The following TBC1D22A variants were observed in gnomAD, a reference collection of about 807,000 sequenced individuals.
TBC1D22A encodes putative GTPase activator.
A neutral mutation model predicts 60.2 loss-of-function variants in TBC1D22A; 38 were observed. The observed-to-expected ratio is 0.63, with a 90% CI of 0.49 to 0.83. The LOEUF is 0.83. Among genes scored for constraint, TBC1D22A ranks in the 40% least tolerant of loss-of-function variants. The pLI is 0.00. For synonymous variants in TBC1D22A, 302 were observed against 281.7 expected (o/e 1.07, Z -0.72); for missense variants, 628 against 701.0 (o/e 0.90, Z 1.18).
chr22:46,995,423 G>A (rs1166704214), intron 9 of TBC1D22A, among the ~76,000 whole-genome samples: 3 of 152,116 alleles, frequency 2.0e-5, no homozygotes, highest in Non-Finnish European at 2.9e-5. Flanking sequence ...TTAGGGCCTC[G>A]TAGGCATTTT....
rs1250296659 is a variant in TBC1D22A, at chr22:46,990,270, T to TC, written c.1126-7363dup. Among the ~76,000 whole-genome samples the TC allele has an allele frequency of 6.6e-6, 1 of 152,240 alleles. No homozygotes were observed. Among genetic ancestry groups the TC allele is most frequent in the Non-Finnish European group, 1.5e-5 (1 of 68,046 alleles). On this transcript the variant is annotated intron_variant, in intron 9 of 12. Transcript: ENST00000337137. This position sits in a 1 kb window ranked among gnomAD's most constrained non-coding sequence, Gnocchi z 4.6. ...TAGGTTGCCATTTTCCTATTTACTT[T>TC]CATCTTTTCTTATTTGTTCTTTTTT... is the stretch of plus-strand genomic sequence containing the variant.
rs2068381907 is a variant in TBC1D22A, at chr22:46,891,137, C to T, written c.709-129C>T. 5 of 1,041,496 alleles carry T rather than the reference C, an allele frequency of 4.8e-6. No individual in the cohort carries two copies. In the South Asian group the frequency reaches 7.8e-5, roughly 16 times the overall value. 64.5% of individuals were successfully genotyped at this position (1,041,496 alleles called of 1,614,324 possible). On this transcript the variant is annotated intron_variant, in intron 5 of 12. Transcript: ENST00000337137. ...TGTTTCTTTTTTCCCACAATTTGTGCTCCTCTCTGTGTCAGATTTCAGAAT... is the reference window on the plus strand; with the variant it reads ...TGTTTCTTTTTTCCCACAATTTGTGTTCCTCTCTGTGTCAGATTTCAGAAT...
Position 47,096,683 on chromosome 22 carries a change from G to A in TBC1D22A, c.1330-14825G>A, listed in dbSNP as rs970464113. Among the ~76,000 whole-genome samples the A allele has an allele frequency of 2.9e-4, 44 of 152,108 alleles. 1 individual carries two copies. Among genetic ancestry groups the A allele is most frequent in the African/African-American group, 1.0e-3 (42 of 41,418 alleles). Reference sequence around the variant, plus strand: ...CTAAAAATACAAAAATTAGCCGGGTGTAGTGGCGCATGCCTGTAAGCCCAG... The same window carrying A: ...CTAAAAATACAAAAATTAGCCGGGTATAGTGGCGCATGCCTGTAAGCCCAG... On this transcript the variant is annotated intron_variant, in intron 11 of 12. Transcript: ENST00000337137.
intron 8 of TBC1D22A, among the ~76,000 whole-genome samples, chr22:46,931,939 T>A (rs536133394): frequency 3.3e-5 from 5 of 152,372 alleles, no homozygotes; most frequent in African/African-American, 1.2e-4. Flanking sequence ...GTATATTCTG[T>A]GATCTGTTGT....
intron 10 of TBC1D22A, 62 bp downstream of exon 10, chr22:46,997,771 G>C: frequency 6.6e-7 from 1 of 1,507,046 alleles, no homozygotes; most frequent in Non-Finnish European, 9.2e-7. Flanking sequence ...TCAGCCCTCG[G>C]TGGGACAGGG....
At chr22:47,007,551 G>A (rs1167550605) in intron 10 of TBC1D22A, among the ~76,000 whole-genome samples, 1 of 152,190 alleles carries the variant, frequency 6.6e-6, no homozygotes, top group Non-Finnish European at 1.5e-5. Context: ...ACTTTATCAT[G>A]GTTTTGGATG....
At chr22:46,992,947 G>A (rs912043895) in intron 9 of TBC1D22A, among the ~76,000 whole-genome samples, 2 of 152,218 alleles carry the variant, frequency 1.3e-5, no homozygotes, top group Admixed American at 6.5e-5. Context: ...AGGCCTGGGC[G>A]TGGAAGGCAC....
chr22:47,059,967 C>T (rs530080608), intron 11 of TBC1D22A, among the ~76,000 whole-genome samples: 2 of 152,142 alleles, frequency 1.3e-5, no homozygotes, highest in East Asian at 1.9e-4. Flanking sequence ...GCTGCAGGAG[C>T]GTCGCACAGC....
rs189023878 is a variant in TBC1D22A, at chr22:46,856,566, G to C, written c.638-22087G>C. Among the ~76,000 whole-genome samples the C allele has an allele frequency of 1.6e-4, 24 of 152,212 alleles. No homozygotes were observed. The East Asian group carries it at 3.9e-3, about 24-fold the overall frequency. The stretch of plus-strand genomic sequence containing the variant: ...CATTGGCTGCGGGATCAATGATATT[G>C]AAGGAAAAAAACAGTGTAATTAGAC... On this transcript the variant is annotated intron_variant, in intron 4 of 12. Transcript: ENST00000337137.
chr22:46,828,116 C>G lies in TBC1D22A; in HGVS notation c.637+30496C>G, dbSNP rs76251232. ...GAGGCCAGGGGGCTGCTCCACACTCCCGTGCCTTCCAACACAGCAGAGGTT... is the reference window on the plus strand; with the variant it reads ...GAGGCCAGGGGGCTGCTCCACACTCGCGTGCCTTCCAACACAGCAGAGGTT... On this transcript the variant is annotated intron_variant, in intron 4 of 12. Coordinates refer to ENST00000337137, the MANE Select transcript of TBC1D22A (RefSeq NM_014346.5). Among the ~76,000 whole-genome samples the G allele has an allele frequency of 1.5e-3, 232 of 152,328 alleles. 2 individuals are homozygous for G. The Middle Eastern group carries it at 0.02, about 13-fold the overall frequency.
chr22:47,081,162 G>A (rs1037983344), intron 11 of TBC1D22A, among the ~76,000 whole-genome samples: 5 of 150,350 alleles, frequency 3.3e-5, no homozygotes, highest in African/African-American at 9.8e-5. Flanking sequence ...ACACTGAGTA[G>A]CATTTGTTCT....
chr22:47,143,035 C>G (rs1478143708), intron 12 of TBC1D22A, among the ~76,000 whole-genome samples: 5 of 152,010 alleles, frequency 3.3e-5, no homozygotes, highest in Non-Finnish European at 7.4e-5. Context: ...TTGAAGGTGA[C>G]TGCCTGGTGG....
At chr22:47,097,785 A>G (rs755948081) in intron 11 of TBC1D22A, among the ~76,000 whole-genome samples, 2 of 152,148 alleles carry the variant, frequency 1.3e-5, no homozygotes, top group Non-Finnish European at 2.9e-5. Context: ...AGTGTCTTGC[A>G]TATATTTGTG....
chr22:47,174,682 TCC>T lies in TBC1D22A; in HGVS notation c.*1057_*1058del, dbSNP rs2068617837. 1.0e-5 allele frequency: 1 copy of T among 96,352 alleles called. No individual in the cohort carries two copies. Among genetic ancestry groups the T allele is most frequent in the African/African-American group, 3.0e-5 (1 of 33,772 alleles). 6.0% of individuals were successfully genotyped at this position (96,352 alleles called of 1,614,324 possible). ...ATGGACCGGTTCCGCCATGGACCACTCCTGCCCTGGACCACTCCTGCCCTGGA... is the reference window on the plus strand; with the variant it reads ...ATGGACCGGTTCCGCCATGGACCACTTGCCCTGGACCACTCCTGCCCTGGA... On this transcript the variant is annotated 3_prime_UTR_variant, in exon 13 of 13. Coordinates refer to ENST00000337137, the MANE Select transcript of TBC1D22A (RefSeq NM_014346.5).
chr22:46,943,323 A>G (rs2072295155), intron 8 of TBC1D22A, among the ~76,000 whole-genome samples: 1 of 152,200 alleles, frequency 6.6e-6, no homozygotes, highest in Non-Finnish European at 1.5e-5. Flanking sequence ...GGGGGCAGAA[A>G]GCAACCTTGT....
At chr22:47,139,618 G>A (rs917083510) in intron 12 of TBC1D22A, among the ~76,000 whole-genome samples, 1 of 152,222 alleles carries the variant, frequency 6.6e-6, no homozygotes, top group African/African-American at 2.4e-5. Flanking sequence ...ACAGGAGAGG[G>A]ACCGCCATTC....
At chr22:47,069,465 G>C (rs2063884351) in intron 11 of TBC1D22A, among the ~76,000 whole-genome samples, 1 of 152,178 alleles carries the variant, frequency 6.6e-6, no homozygotes, top group African/African-American at 2.4e-5. Context: ...CTCGGCCCTA[G>C]CCTCAGTGTT....
intron 11 of TBC1D22A, among the ~76,000 whole-genome samples, chr22:47,072,230 G>A (rs558485760): frequency 6.6e-6 from 1 of 152,220 alleles, no homozygotes; most frequent in Admixed American, 6.5e-5. Context: ...CAGGCCGGTG[G>A]AGGATGTGGA....
At chr22:47,116,576 G>C (rs1601563647) in intron 12 of TBC1D22A, 1 of 152,218 alleles carries the variant, frequency 6.6e-6, no homozygotes, top group Non-Finnish European at 1.5e-5. Context: ...GAAGGCTGGG[G>C]CCCTTGCTCT....
Sources: allele counts gnomAD v4.1 joint callset (sites outside exome capture counted in the v4.1 genomes callset), GRCh38; gene constraint gnomAD v4.1.1; non-coding constraint Gnocchi (gnomAD v3.1); transcripts MANE v1.5; gene names NCBI Gene and HGNC (gene_info 2026-07-23, HGNC 2026-07-21).